RAB37: variants seen among roughly 807,000 people sequenced by gnomAD.
The protein encoded by RAB37 is RAB37, member RAS oncogene family, also known as ras-related protein Rab-37.
In RAB37, 29 loss-of-function variants were observed where a neutral mutation model predicts 33.1. That is an observed-to-expected ratio of 0.88 (90% confidence interval 0.65 to 1.20). RAB37 has a LOEUF of 1.20. RAB37 is among the 50% of genes most tolerant of loss of function. The probability of loss-of-function intolerance (pLI) is 0.00; values close to 1 mark genes in which losing one functional copy is unlikely to be tolerated. For missense variants in RAB37, 299 were observed against 301.1 expected (o/e 0.99, Z 0.05); for synonymous variants, 128 against 119.5 (o/e 1.07, Z -0.47).
chr17:74,745,362 A>C lies in RAB37; in HGVS notation c.623A>C (p.Asp208Ala), dbSNP rs202002183. 1.2e-6 allele frequency: 2 copies of C among 1,614,116 alleles called. No individual in the cohort carries two copies. Among genetic ancestry groups the C allele is most frequent in the African/African-American group, 1.3e-5 (1 of 75,066 alleles). The change falls in exon 9 of 9, where the codon GAC (aspartate) becomes GCC (alanine). Residue 208 changes from aspartate to alanine, a missense_variant. Coordinates refer to ENST00000392613, the MANE Select transcript of RAB37 (RefSeq NM_001006638.3). The surrounding 1 kb of genome is among the most constrained non-coding windows in gnomAD (Gnocchi z 4.5). ...GATGAGCCCAGCTTCCAGATCCGAG[A>C]CTATGTAGAGTCCCAGAAGAAGCGC... Reference protein sequence around the residue: ...QADEPSFQIRDYVESQKKRSS... With the variant: ...QADEPSFQIRAYVESQKKRSS...
chr17:74,703,654 C>T (rs1332596225), intron 1 of RAB37, among the ~76,000 whole-genome samples: 1 of 152,118 alleles, frequency 6.6e-6, no homozygotes, highest in East Asian at 1.9e-4. Context: ...TTGTGAGGAC[C>T]CATTGAGACA....
Position 74,742,294 on chromosome 17 carries a change from A to G in RAB37, c.245A>G (p.Gln82Arg), listed in dbSNP as rs766017145. The stretch of plus-strand genomic sequence containing the variant: ...GTGGATGGCGTGAGAGTGAAGCTGC[A>G]GGTGAGACCAGAGGCTGGAGTTGGG... ...VTVDGVRVKL[Q>R]IWDTAGQERF... The change falls in exon 3 of 9, where the codon CAG (glutamine) becomes CGG (arginine). Residue 82 changes from glutamine to arginine, a missense_variant and splice_region_variant. Coordinates refer to ENST00000392613, the MANE Select transcript of RAB37 (RefSeq NM_001006638.3). The surrounding 1 kb of genome is among the most constrained non-coding windows in gnomAD (Gnocchi z 4.0). 1.2e-6 allele frequency: 2 copies of G among 1,612,164 alleles called. No homozygotes were observed. The highest frequency in any genetic ancestry group is 3.3e-5 in the Admixed American group (2 of 59,894).
At chr17:74,741,403 T>C (rs1475326179) in intron 2 of RAB37, among the ~76,000 whole-genome samples, 1 of 151,976 alleles carries the variant, frequency 6.6e-6, no homozygotes, top group Non-Finnish European at 1.5e-5. Context: ...CTGGCCAACA[T>C]GGTGAAACCC....
chr17:74,705,256 CA>C (rs2033414958), intron 1 of RAB37: 2 of 702,066 alleles, frequency 2.8e-6, no homozygotes, highest in Non-Finnish European at 5.2e-6. Flanking sequence ...GCAGCCACAT[CA>C]GATGGCTGTG....
intron 1 of RAB37, among the ~76,000 whole-genome samples, chr17:74,681,552 A>G (rs773468173): frequency 2.0e-5 from 3 of 152,116 alleles, no homozygotes; most frequent in Non-Finnish European, 4.4e-5. Context: ...CAAACCCAAA[A>G]CACCAGGATC....
At chr17:74,701,780 G>A (rs2033068427) in intron 1 of RAB37, among the ~76,000 whole-genome samples, 1 of 151,592 alleles carries the variant, frequency 6.6e-6, no homozygotes, top group Non-Finnish European at 1.5e-5. Flanking sequence ...AACCTGGGAG[G>A]TGGAAGTTGC....
chr17:74,719,645 A>G (rs534446925), intron 1 of RAB37, among the ~76,000 whole-genome samples: 3 of 152,022 alleles, frequency 2.0e-5, no homozygotes, highest in East Asian at 1.9e-4. Context: ...AGCCTCCCCA[A>G]TAGCTGGGAA....
Position 74,695,208 on chromosome 17 carries a change from A to G in RAB37, c.72+23550A>G, listed in dbSNP as rs145631229. The G allele has an allele frequency of 4.4e-4, 703 of 1,614,130 alleles. 1 individual carries two copies. Among genetic ancestry groups the G allele is most frequent in the East Asian group, 3.6e-3 (162 of 44,884 alleles). On this transcript the variant is annotated intron_variant, in intron 1 of 7. Transcript: ENST00000340415. ...GGTCGGTTCCTGATCCTCAGCACCC[A>G]AGGTCAGAGATGCATAGGAAATGTC...
chr17:74,712,860 G>A (rs2143974051), intron 1 of RAB37: 1 of 1,614,022 alleles, frequency 6.2e-7, no homozygotes, highest in Non-Finnish European at 8.5e-7. Flanking sequence ...AGTGTCAGCA[G>A]GGGCATCTTC....
At chr17:74,705,622 C>T (rs955089535) in intron 1 of RAB37, among the ~76,000 whole-genome samples, 1 of 151,772 alleles carries the variant, frequency 6.6e-6, no homozygotes, top group Non-Finnish European at 1.5e-5. Flanking sequence ...CTCACTCTGT[C>T]GCCCAGGCTG....
Position 74,721,745 on chromosome 17 carries a change from G to A in RAB37, c.73-7511G>A, listed in dbSNP as rs2034243776. On this transcript the variant is annotated intron_variant, in intron 1 of 7. Coordinates refer to the RAB37 transcript ENST00000340415. ...CGCCTGGTCCTCTTGGTTTATTTTT[G>A]CAAGGAAAGCCATAGAGTTGCTGAG... 3.3e-5 allele frequency among the ~76,000 whole-genome samples: 5 copies of A among 151,924 alleles called. No individual in the cohort carries two copies. In the South Asian group the frequency reaches 1.0e-3, roughly 32 times the overall value.
At chr17:74,689,017 A>T (rs962886831) in intron 1 of RAB37, among the ~76,000 whole-genome samples, 44 of 152,210 alleles carry the variant, frequency 2.9e-4, no homozygotes, top group African/African-American at 1.0e-3. Flanking sequence ...TAGAGGAAAA[A>T]TAGCCTTGGC....
At chr17:74,712,069 A>T (rs2034006088) in intron 1 of RAB37, among the ~76,000 whole-genome samples, 1 of 150,468 alleles carries the variant, frequency 6.6e-6, no homozygotes, top group African/African-American at 2.4e-5. Context: ...ATGCCACCAT[A>T]CCTGGCTAAT....
intron 1 of RAB37, among the ~76,000 whole-genome samples, chr17:74,712,529 C>T (rs994961463): frequency 6.6e-6 from 1 of 152,244 alleles, no homozygotes; most frequent in Admixed American, 6.5e-5. Context: ...CTCTCCTGAG[C>T]AGCCCATGTT....
chr17:74,676,335 T>C lies in RAB37; in HGVS notation c.72+4677T>C, dbSNP rs1363140736. Among the ~76,000 whole-genome samples, 1 of 151,898 alleles carries C rather than the reference T, an allele frequency of 6.6e-6. No individual in the cohort carries two copies. The highest frequency in any genetic ancestry group is 1.5e-5 in the Non-Finnish European group (1 of 67,950). On this transcript the variant is annotated intron_variant, in intron 1 of 7. Transcript: ENST00000340415. This position sits in a 1 kb window ranked among gnomAD's most constrained non-coding sequence, Gnocchi z 4.1. ...AGGACAAAGTCAGTCTCAGAAAGACTGGGGGTGGGGGGCAGAAAAACGTGA... is the reference window on the plus strand; with the variant it reads ...AGGACAAAGTCAGTCTCAGAAAGACCGGGGGTGGGGGGCAGAAAAACGTGA...
intron 1 of RAB37, among the ~76,000 whole-genome samples, chr17:74,706,290 T>C (rs1029467930): frequency 6.8e-6 from 1 of 148,030 alleles, no homozygotes; most frequent in East Asian, 1.9e-4. Flanking sequence ...AAAATATATA[T>C]ATATATATAT....
chr17:74,675,893 G>A (rs902630285), intron 1 of RAB37, among the ~76,000 whole-genome samples: 1 of 152,216 alleles, frequency 6.6e-6, no homozygotes, highest in Non-Finnish European at 1.5e-5. Flanking sequence ...AAAACATTGA[G>A]CTCATCCATC....
chr17:74,705,478 T>A (rs2143796234), intron 1 of RAB37: 1 of 489,854 alleles, frequency 2.0e-6, no homozygotes, highest in South Asian at 3.5e-5. Context: ...GTTCCATTGA[T>A]CTATTTGTCC....
chr17:74,708,413 T>A (rs1256538191), intron 1 of RAB37, among the ~76,000 whole-genome samples: 1 of 152,030 alleles, frequency 6.6e-6, no homozygotes, highest in African/African-American at 2.4e-5. Context: ...AAATCCCAAA[T>A]CCATTTCACG....
Sources: gnomAD v4.1 joint callset for allele counts (sites outside exome capture counted in the v4.1 genomes callset) on GRCh38, gnomAD v4.1.1 for gene constraint, Gnocchi (gnomAD v3.1) non-coding constraint, MANE v1.5 for transcripts, NCBI Gene and HGNC (gene_info 2026-07-23, HGNC 2026-07-21) for gene names.